Variants in EEIG2 observed in about 807,000 individuals in gnomAD.
EEIG2 encodes the protein family with sequence similarity 102 member B.
At chr1:108,628,479 G>C in the EEIG2 span, 1 of 1,613,966 alleles carries the variant, frequency 6.2e-7, no homozygotes, top group Admixed American at 1.7e-5. Flanking sequence ...ACATCAACAG[G>C]AGTTGAAAGT....
the EEIG2 span, among the ~76,000 whole-genome samples, chr1:108,564,862 G>A: frequency 6.6e-6 from 1 of 151,994 alleles, no homozygotes; most frequent in Non-Finnish European, 1.5e-5. Context: ...TAGGAGGATC[G>A]CTTGAACCCG....
At chr1:108,573,090 C>T in the EEIG2 span, among the ~76,000 whole-genome samples, 1 of 152,158 alleles carries the variant, frequency 6.6e-6, no homozygotes, top group African/African-American at 2.4e-5. Flanking sequence ...TAGACATAAG[C>T]TTTCACCTCA....
the EEIG2 span, chr1:108,627,039 A>T: frequency 6.6e-6 from 1 of 152,216 alleles, no homozygotes; most frequent in Non-Finnish European, 1.5e-5. Flanking sequence ...CTTATTTTGT[A>T]CTTCCTATAC....
the EEIG2 span, among the ~76,000 whole-genome samples, chr1:108,607,514 G>A: frequency 6.6e-6 from 1 of 152,156 alleles, no homozygotes; most frequent in Admixed American, 6.5e-5. Context: ...AACTGAGGCT[G>A]GACGCCTGAA....
the EEIG2 span, among the ~76,000 whole-genome samples, chr1:108,569,868 C>T: frequency 6.6e-6 from 1 of 152,180 alleles, no homozygotes; most frequent in Non-Finnish European, 1.5e-5. Flanking sequence ...TATACCCATA[C>T]GTGTCCAACC....
At chr1:108,609,603 T>G in the EEIG2 span, among the ~76,000 whole-genome samples, 1 of 151,974 alleles carries the variant, frequency 6.6e-6, no homozygotes, top group African/African-American at 2.4e-5. Flanking sequence ...GGCCTTGAAG[T>G]GATCTTGGCA....
At chr1:108,567,200 A>G in the EEIG2 span, among the ~76,000 whole-genome samples, 1 of 152,250 alleles carries the variant, frequency 6.6e-6, no homozygotes. Flanking sequence ...TACCCTGACC[A>G]GAAATGGAGT....
chr1:108,562,493 G>A, the EEIG2 span, among the ~76,000 whole-genome samples: 1 of 152,216 alleles, frequency 6.6e-6, no homozygotes, highest in Middle Eastern at 3.2e-3. Context: ...ACAATAAGGA[G>A]CCTGTGCCTT....
At chr1:108,624,201 T>C in the EEIG2 span, among the ~76,000 whole-genome samples, 2 of 152,242 alleles carry the variant, frequency 1.3e-5, no homozygotes, top group African/African-American at 4.8e-5. Context: ...CCATGGATAC[T>C]ATTTAAAAAG....
the EEIG2 span, among the ~76,000 whole-genome samples, chr1:108,603,525 T>C: frequency 6.6e-6 from 1 of 152,312 alleles, no homozygotes; most frequent in Non-Finnish European, 1.5e-5. Context: ...CCTTACTACT[T>C]GCCAAAAGCA....
the EEIG2 span, chr1:108,612,396 T>G: frequency 6.9e-6 from 5 of 724,686 alleles, no homozygotes; most frequent in African/African-American, 9.0e-5. Context: ...AGTGCTGATA[T>G]GATAAACTGA....
At chr1:108,564,268 A>G in the EEIG2 span, among the ~76,000 whole-genome samples, 1 of 151,766 alleles carries the variant, frequency 6.6e-6, no homozygotes, top group Non-Finnish European at 1.5e-5. Context: ...GTGGGGGGGA[A>G]ATTAGAGATG....
the EEIG2 span, among the ~76,000 whole-genome samples, chr1:108,574,869 G>A: frequency 6.6e-6 from 1 of 152,036 alleles, no homozygotes; most frequent in African/African-American, 2.4e-5. Flanking sequence ...TTGTACATTA[G>A]TATATTCAAC....
chr1:108,629,555 A>T, the EEIG2 span: 1 of 1,391,774 alleles, frequency 7.2e-7, no homozygotes, highest in Non-Finnish European at 1.0e-6. Flanking sequence ...TAATAATTGT[A>T]CATGTAACAA....
chr1:108,608,533 A>G, the EEIG2 span, among the ~76,000 whole-genome samples: 1 of 152,378 alleles, frequency 6.6e-6, no homozygotes, highest in East Asian at 1.9e-4. Flanking sequence ...AGAAAAAATC[A>G]TAAGGAAACA....
the EEIG2 span, among the ~76,000 whole-genome samples, chr1:108,574,128 T>G: frequency 1.3e-5 from 2 of 152,134 alleles, no homozygotes; most frequent in Non-Finnish European, 2.9e-5. Context: ...CATCACAGGA[T>G]GAATGGATAA....
the EEIG2 span, among the ~76,000 whole-genome samples, chr1:108,620,521 A>G: frequency 6.6e-6 from 1 of 152,196 alleles, no homozygotes; most frequent in Non-Finnish European, 1.5e-5. Context: ...GAGAAAGTGT[A>G]TACTCTGCTG....
chr1:108,575,601 G>A, the EEIG2 span, among the ~76,000 whole-genome samples: 1 of 152,204 alleles, frequency 6.6e-6, no homozygotes, highest in Non-Finnish European at 1.5e-5. Flanking sequence ...GAAACCTGAT[G>A]TATCCATAGC....
chr1:108,617,614 T>C, the EEIG2 span, among the ~76,000 whole-genome samples: 4 of 152,170 alleles, frequency 2.6e-5, no homozygotes, highest in East Asian at 7.7e-4. Context: ...AGGTAGTAAT[T>C]AAAGCCATGA....
Sources: allele counts gnomAD v4.1 joint callset (sites outside exome capture counted in the v4.1 genomes callset), GRCh38; gene constraint gnomAD v4.1.1; transcripts MANE v1.5; gene names NCBI Gene and HGNC (gene_info 2026-07-23, HGNC 2026-07-21).